Variants in TACC1 observed in about 807,000 individuals in gnomAD.
TACC1 encodes transforming acidic coiled-coil-containing protein 1.
In TACC1, 48 loss-of-function variants were observed where a neutral mutation model predicts 84.4. The ratio of observed to expected loss-of-function variants is 0.57; its 90% CI spans 0.45 to 0.72. The LOEUF (loss-of-function observed/expected upper bound fraction) is 0.72, where lower values mean the gene tolerates loss of function less well. Among genes scored for constraint, TACC1 ranks in the 30% least tolerant of loss-of-function variants. The pLI is 0.00. For missense variants in TACC1, 920 were observed against 973.0 expected (o/e 0.95, Z 0.72); for synonymous variants, 372 against 376.3 (o/e 0.99, Z 0.13).
intron 3 of TACC1, among the ~76,000 whole-genome samples, chr8:38,762,041 A>C (rs1181405458): frequency 6.6e-6 from 1 of 152,208 alleles, no homozygotes; most frequent in African/African-American, 2.4e-5. Flanking sequence ...CTAGACTATG[A>C]GGGTAGTTGA....
At chr8:38,767,786 C>T (rs994879335) in intron 3 of TACC1, among the ~76,000 whole-genome samples, 7 of 152,068 alleles carry the variant, frequency 4.6e-5, no homozygotes, top group Non-Finnish European at 7.4e-5. Flanking sequence ...GATTAGGGGC[C>T]GGGCACAGTG....
At chr8:38,813,730 T>C (rs1437845765) in intron 2 of TACC1, among the ~76,000 whole-genome samples, 1 of 152,220 alleles carries the variant, frequency 6.6e-6, no homozygotes, top group Admixed American at 6.5e-5. Context: ...ATGGTTGTAA[T>C]GCCCATCCTT....
At chr8:38,840,059 T>TAAAAAAAAAA (rs11440274) in intron 8 of TACC1, 165 bp from the exon 9 acceptor site, 3 of 184,600 alleles carry the variant, frequency 1.6e-5, no homozygotes, top group South Asian at 9.8e-5. Context: ...TTATATAATG[T>TAAAAAAAAAA]AAAAAAAAAA....
intron 3 of TACC1, among the ~76,000 whole-genome samples, chr8:38,778,832 G>A (rs575227389): frequency 6.6e-6 from 1 of 152,282 alleles, no homozygotes; most frequent in East Asian, 1.9e-4. Flanking sequence ...CTAAAAGGAA[G>A]TATAGCGAAA....
exon 3 of TACC1, chr8:38,745,369 A>G: frequency 1.6e-6 from 1 of 606,186 alleles, no homozygotes; most frequent in Non-Finnish European, 2.9e-6. Context: ...CCTAGCATTC[A>G]TCATATCCAA....
intron 3 of TACC1, among the ~76,000 whole-genome samples, chr8:38,763,425 A>G (rs910048638): frequency 6.6e-5 from 10 of 152,130 alleles, no homozygotes; most frequent in Non-Finnish European, 7.4e-5. Flanking sequence ...CCAGAGTGCT[A>G]AGATTACAGG....
At chr8:38,843,645 T>C in intron 11 of TACC1, 1 of 260,382 alleles carries the variant, frequency 3.8e-6, no homozygotes, top group Non-Finnish European at 7.2e-6. Context: ...TGTTTTTTCT[T>C]CCTATTACAA....
At chr8:38,838,630 T>C in intron 8 of TACC1, 84 bp downstream of exon 8, 1 of 1,176,308 alleles carries the variant, frequency 8.5e-7, no homozygotes, top group Non-Finnish European at 1.3e-6. Context: ...CAGTGTTTGC[T>C]TGCCACAGAA....
intron 2 of TACC1, among the ~76,000 whole-genome samples, chr8:38,789,993 T>C (rs922911919): frequency 1.3e-5 from 2 of 152,206 alleles, no homozygotes; most frequent in African/African-American, 4.8e-5. Context: ...CAGAGTAACT[T>C]AGCGGCTTAC....
intron 3 of TACC1, among the ~76,000 whole-genome samples, chr8:38,772,269 G>C (rs989336468): frequency 5.9e-5 from 9 of 152,214 alleles, no homozygotes; most frequent in Admixed American, 2.0e-4. Flanking sequence ...ATGTGAATGA[G>C]TACAGCCTTT....
intron 2 of TACC1, among the ~76,000 whole-genome samples, chr8:38,793,724 G>A (rs1819309610): frequency 6.6e-6 from 1 of 152,066 alleles, no homozygotes; most frequent in African/African-American, 2.4e-5. Flanking sequence ...TGGGATTTCA[G>A]GTTTGAACCA....
At chr8:38,818,165 AGT>A (rs1239684330) in intron 2 of TACC1, among the ~76,000 whole-genome samples, 1 of 147,850 alleles carries the variant, frequency 6.8e-6, no homozygotes, top group Non-Finnish European at 1.5e-5. Flanking sequence ...AGCCTGGGGA[AGT>A]CAAGGCTGCA....
chr8:38,787,513 T>C lies in TACC1; in HGVS notation c.-70T>C, dbSNP rs2151980993. On this transcript the variant is annotated 5_prime_UTR_variant, in exon 1 of 13. Transcript: ENST00000317827. ...GCGCCTGTCACCGGTTCCCTCCATT[T>C]TGAAAGGGAAAAAGGCTCTCCCCAC... The C allele has an allele frequency of 1.4e-6, 2 of 1,433,484 alleles. No homozygotes were observed. The highest frequency in any genetic ancestry group is 2.5e-4 in the Middle Eastern group (1 of 3,970). The allele number at this position is 1,433,484 out of a possible 1,614,324, so 88.8% of individuals were successfully genotyped here.
chr8:38,841,228 G>A (rs1831221810), intron 9 of TACC1, among the ~76,000 whole-genome samples: 1 of 152,080 alleles, frequency 6.6e-6, no homozygotes, highest in African/African-American at 2.4e-5. Flanking sequence ...CACAGTCAGC[G>A]GCACTTTGGC....
At position 38,733,555 on chromosome 8, in the gene TACC1, C is replaced by CTGCA. The variant is rs370208877; in HGVS notation, c.-675+4885_-675+4888dup. Among the ~76,000 whole-genome samples the CTGCA allele has an allele frequency of 3.3e-3, 495 of 152,292 alleles. 4 individuals carry two copies. Among genetic ancestry groups the CTGCA allele is most frequent in the Admixed American group, 0.016 (240 of 15,300 alleles). Reference sequence around the variant, plus strand: ...CCTTTCTGATGGTCTGAGGTCCGGACTGCAGGCTTTTGCTGTGTTCCTTCA... The same window carrying CTGCA: ...CCTTTCTGATGGTCTGAGGTCCGGACTGCATGCAGGCTTTTGCTGTGTTCCTTCA... On this transcript the variant is annotated intron_variant, in intron 1 of 14. Transcript: ENST00000518415.
intron 2 of TACC1, among the ~76,000 whole-genome samples, chr8:38,815,812 C>T (rs976340894): frequency 6.6e-6 from 1 of 151,666 alleles, no homozygotes; most frequent in African/African-American, 2.4e-5. Flanking sequence ...TTGAAACATG[C>T]AAAATAACTA....
intron 2 of TACC1, among the ~76,000 whole-genome samples, chr8:38,811,579 G>T (rs998864597): frequency 1.3e-5 from 2 of 152,144 alleles, no homozygotes; most frequent in Non-Finnish European, 2.9e-5. Flanking sequence ...AACATAAATT[G>T]TGAAGATTTC....
intron 7 of TACC1, among the ~76,000 whole-genome samples, chr8:38,837,335 A>G (rs1830432791): frequency 6.6e-6 from 1 of 151,950 alleles, no homozygotes. Flanking sequence ...AGGTGGGAGA[A>G]TCGCTTGAAC....
intron 2 of TACC1, among the ~76,000 whole-genome samples, chr8:38,803,349 TTAGGGTGAAAA>T (rs1821875055): frequency 6.6e-6 from 1 of 152,260 alleles, no homozygotes; most frequent in South Asian, 2.1e-4. Flanking sequence ...GTTCTTGACC[TTAGGGTGAAAA>T]CATTCAGTCT....
Sources: gnomAD v4.1 joint callset for allele counts (sites outside exome capture counted in the v4.1 genomes callset) on GRCh38, gnomAD v4.1.1 for gene constraint, MANE v1.5 for transcripts, NCBI Gene and HGNC (gene_info 2026-07-23, HGNC 2026-07-21) for gene names.